PALS2: variants seen among roughly 807,000 people sequenced by gnomAD.
The protein encoded by PALS2 is protein PALS2.
Under a neutral mutation model 61.6 loss-of-function variants are expected in PALS2, and 27 were observed. That is an observed-to-expected ratio of 0.44 (90% CI 0.32 to 0.60). The LOEUF (loss-of-function observed/expected upper bound fraction) is 0.60, where lower values mean the gene tolerates loss of function less well. PALS2 is among the 20% of genes least tolerant of loss of function. The pLI, the probability that PALS2 is intolerant of heterozygous loss-of-function variation, is 0.05. For synonymous variants in PALS2, 236 were observed against 218.6 expected (o/e 1.08, Z -0.70); for missense variants, 554 against 639.4 (o/e 0.87, Z 1.44).
At chr7:24,575,486 C>T (rs553728024) in intron 1 of PALS2, among the ~76,000 whole-genome samples, 3 of 152,254 alleles carry the variant, frequency 2.0e-5, no homozygotes, top group Non-Finnish European at 1.5e-5. Flanking sequence ...CTCTCTTTCT[C>T]TCCCCACTCC....
At chr7:24,681,156 G>C (rs1787906353) in intron 11 of PALS2, among the ~76,000 whole-genome samples, 1 of 151,840 alleles carries the variant, frequency 6.6e-6, no homozygotes, top group Non-Finnish European at 1.5e-5. Context: ...TTATTATATG[G>C]TTTATCATTG....
In PALS2 at chr7:24,573,635, G is replaced by C; in HGVS notation, c.-3+42G>C. ...CCCACGCCGCTCGGGTAACGGTCGC[G>C]CCGCGCGCCGGGCCGGCCGGGGGCG... On this transcript the variant is annotated intron_variant, in intron 1 of 11. Coordinates refer to ENST00000222644, the MANE Select transcript of PALS2 (RefSeq NM_001303037.2). This position sits in a 1 kb window ranked among gnomAD's most constrained non-coding sequence, Gnocchi z 5.3. 1 of 308,570 alleles carries C rather than the reference G, an allele frequency of 3.2e-6. No individual in the cohort carries two copies. The highest frequency in any genetic ancestry group is 5.0e-5 in the East Asian group (1 of 20,172). 19.1% of individuals were successfully genotyped at this position (308,570 alleles called of 1,614,324 possible).
intron 1 of PALS2, among the ~76,000 whole-genome samples, chr7:24,617,617 C>T (rs1047624345): frequency 2.0e-5 from 3 of 151,984 alleles, no homozygotes; most frequent in African/African-American, 4.8e-5. Flanking sequence ...GCAGATTCTT[C>T]AGCAGTAATC....
intron 8 of PALS2, among the ~76,000 whole-genome samples, chr7:24,667,657 A>ATTTTTTTTTT (rs11284911): frequency 1.0e-5 from 1 of 98,646 alleles, no homozygotes; most frequent in Non-Finnish European, 1.9e-5. Flanking sequence ...GATTAGATAA[A>ATTTTTTTTTT]TTTTTTTTTT....
chr7:24,614,351 G>C (rs540468055), intron 1 of PALS2, among the ~76,000 whole-genome samples: 2 of 151,506 alleles, frequency 1.3e-5, no homozygotes, highest in South Asian at 4.2e-4. Flanking sequence ...TTGTGTATTT[G>C]TGTTCTGAAA....
chr7:24,685,654 T>G (rs975148926), intron 11 of PALS2, among the ~76,000 whole-genome samples: 9 of 151,872 alleles, frequency 5.9e-5, no homozygotes, highest in African/African-American at 7.3e-5. Context: ...AGGGTTTTTT[T>G]TTTTTTTTTT....
At chr7:24,657,222 A>C (rs1204889143) in intron 5 of PALS2, among the ~76,000 whole-genome samples, 1 of 152,224 alleles carries the variant, frequency 6.6e-6, no homozygotes, top group Non-Finnish European at 1.5e-5. Context: ...TCTCTTGAGT[A>C]TATACCAGGG....
intron 5 of PALS2, among the ~76,000 whole-genome samples, chr7:24,658,954 T>A (rs751201575): frequency 1.3e-5 from 2 of 152,090 alleles, no homozygotes; most frequent in African/African-American, 2.4e-5. Flanking sequence ...GTCACCCAGG[T>A]AGTGAGCATG....
At chr7:24,621,649 C>T (rs767621870) in intron 1 of PALS2, among the ~76,000 whole-genome samples, 7 of 151,926 alleles carry the variant, frequency 4.6e-5, no homozygotes, top group Non-Finnish European at 1.0e-4. Context: ...CTAGTAATTA[C>T]TTCTGGGAGT....
intron 1 of PALS2, among the ~76,000 whole-genome samples, chr7:24,599,342 A>G (rs1783634273): frequency 6.6e-6 from 1 of 152,142 alleles, no homozygotes; most frequent in East Asian, 1.9e-4. Context: ...AGACTATAAG[A>G]AATTTATTTT....
intron 1 of PALS2, among the ~76,000 whole-genome samples, chr7:24,614,196 A>C (rs1047399106): frequency 3.3e-5 from 5 of 151,802 alleles, no homozygotes; most frequent in African/African-American, 1.2e-4. Context: ...ACTAGTTTAC[A>C]TTTCCACCAA....
chr7:24,686,724 G>A (rs1788224329), intron 11 of PALS2, among the ~76,000 whole-genome samples: 1 of 152,146 alleles, frequency 6.6e-6, no homozygotes, highest in Admixed American at 6.5e-5. Context: ...CTGAAACATA[G>A]TAGACACCTT....
chr7:24,583,252 T>C (rs114563204), intron 1 of PALS2, among the ~76,000 whole-genome samples: 7,940 of 152,094 alleles, frequency 0.052, 267 homozygotes, highest in African/African-American at 0.089. Context: ...AGTAATCTTT[T>C]GGAATGGAGG....
In PALS2 at chr7:24,648,153, T is replaced by G. The variant is rs979700120; in HGVS notation, c.271-1459T>G. Among the ~76,000 whole-genome samples the G allele has an allele frequency of 5.3e-5, 8 of 152,306 alleles. 2 individuals carry two copies. The highest frequency in any genetic ancestry group is 3.9e-4 in the Admixed American group (6 of 15,284). On this transcript the variant is annotated intron_variant, in intron 3 of 11. Coordinates refer to ENST00000222644, the MANE Select transcript of PALS2 (RefSeq NM_001303037.2). The stretch of plus-strand genomic sequence containing the variant: ...ACCAGAAATTACCAATTATCCTGAT[T>G]GCTTTTTTCCCGAACCTGTTAATAT...
At chr7:24,616,269 A>G (rs776025881) in intron 1 of PALS2, among the ~76,000 whole-genome samples, 1 of 152,176 alleles carries the variant, frequency 6.6e-6, no homozygotes, top group Non-Finnish European at 1.5e-5. Context: ...TACTGTTTAC[A>G]TATGGCATGA....
chr7:24,673,047 G>A (rs1787380697), intron 9 of PALS2, among the ~76,000 whole-genome samples: 1 of 152,124 alleles, frequency 6.6e-6, no homozygotes, highest in African/African-American at 2.4e-5. Context: ...GTTTTTCATA[G>A]ATGCCTTTCA....
At chr7:24,585,441 T>C (rs1053324932) in intron 1 of PALS2, among the ~76,000 whole-genome samples, 2 of 152,232 alleles carry the variant, frequency 1.3e-5, no homozygotes, top group Non-Finnish European at 1.5e-5. Context: ...TTAAAAGTTA[T>C]TGATTCCAAC....
intron 2 of PALS2, among the ~76,000 whole-genome samples, chr7:24,640,737 G>GCT (rs367801658): frequency 0.024 from 3,661 of 151,618 alleles, 170 homozygotes; most frequent in African/African-American, 0.084. Context: ...GGCCGAGGGC[G>GCT]GTGGCTCATG....
At chr7:24,658,543 CT>C (rs1031914854) in intron 5 of PALS2, among the ~76,000 whole-genome samples, 8 of 140,272 alleles carry the variant, frequency 5.7e-5, no homozygotes, top group South Asian at 4.7e-4. Context: ...TAGAAATATT[CT>C]TTTTTTTTCT....
Sources: gnomAD v4.1 joint callset for allele counts (sites outside exome capture counted in the v4.1 genomes callset) on GRCh38, gnomAD v4.1.1 for gene constraint, Gnocchi (gnomAD v3.1) non-coding constraint, MANE v1.5 for transcripts, NCBI Gene and HGNC (gene_info 2026-07-23, HGNC 2026-07-21) for gene names.